The following TMC2 variants were observed in gnomAD, a reference collection of about 807,000 sequenced individuals.
TMC2 encodes transmembrane channel like 2.
Under a neutral mutation model 105.9 loss-of-function variants are expected in TMC2, and 102 were observed. The ratio of observed to expected loss-of-function variants is 0.96; its 90% CI spans 0.82 to 1.14. The LOEUF (loss-of-function observed/expected upper bound fraction) is 1.14. Ranked by LOEUF, TMC2 falls within the 50% of genes most tolerant of loss-of-function variation. The pLI, the probability that TMC2 is intolerant of heterozygous loss-of-function variation, is 0.00. For synonymous variants in TMC2, 402 were observed against 422.8 expected (o/e 0.95, Z 0.60); for missense variants, 1,093 against 1,134.3 (o/e 0.96, Z 0.52).
intron 5 of TMC2, among the ~76,000 whole-genome samples, chr20:2,578,042 C>G (rs1290840106): frequency 2.9e-4 from 44 of 152,032 alleles, no homozygotes; most frequent in Non-Finnish European, 2.6e-4. Flanking sequence ...GGAACCGGGC[C>G]AGGCACAGTG....
chr20:2,578,422 C>T (rs28558098), intron 5 of TMC2, among the ~76,000 whole-genome samples: 21,798 of 152,200 alleles, frequency 0.14, 2,128 homozygotes, highest in African/African-American at 0.28. Context: ...CTATGAGTAT[C>T]TGTTTTATTC....
intron 4 of TMC2, among the ~76,000 whole-genome samples, chr20:2,571,753 C>A (rs1251612292): frequency 6.6e-6 from 1 of 152,192 alleles, no homozygotes; most frequent in Non-Finnish European, 1.5e-5. Flanking sequence ...GTAATCCCAG[C>A]ACTTTGGGAG....
At chr20:2,552,609 G>A (rs1214648294) in intron 2 of TMC2, among the ~76,000 whole-genome samples, 3 of 152,086 alleles carry the variant, frequency 2.0e-5, no homozygotes, top group South Asian at 2.1e-4. Flanking sequence ...TCCACCTCAC[G>A]AGTTCAAGGG....
At chr20:2,541,890 CTGCATTTTCCGCCGTTTCCTAAT>C (rs11467092) in intron 2 of TMC2, among the ~76,000 whole-genome samples, 60,872 of 151,798 alleles carry the variant, frequency 0.4, 12,394 homozygotes, top group Admixed American at 0.45. Context: ...ACTAGTAAAA[CTGCATTTTCCGCCGTTTCCTAAT>C]TGCATTTCCC....
Position 2,558,076 on chromosome 20 carries a change from G to A in TMC2, c.83-380G>A, listed in dbSNP as rs1600099548. Reference sequence around the variant, plus strand: ...TGGAGAGTTGTGCAGAAGTATGATCGGAGGACAAAAGGGTATGATGTCATG... The same window carrying A: ...TGGAGAGTTGTGCAGAAGTATGATCAGAGGACAAAAGGGTATGATGTCATG... On this transcript the variant is annotated intron_variant, in intron 2 of 19. Coordinates refer to ENST00000358864, the MANE Select transcript of TMC2 (RefSeq NM_080751.3). This position sits in a 1 kb window ranked among gnomAD's most constrained non-coding sequence, Gnocchi z 4.6. 1 of 205,782 alleles carries A rather than the reference G, an allele frequency of 4.9e-6. No individual in the cohort carries two copies. Among genetic ancestry groups the A allele is most frequent in the South Asian group, 9.6e-5 (1 of 10,364 alleles). 12.7% of individuals were successfully genotyped at this position (205,782 alleles called of 1,614,324 possible). A position where few individuals can be genotyped will look rare whatever the true frequency, so the allele number is the denominator to read the frequency against.
In TMC2 at chr20:2,592,587, A is replaced by G. The variant is rs1407338741; in HGVS notation, c.933+179A>G. 1.3e-5 allele frequency among the ~76,000 whole-genome samples: 2 copies of G among 152,164 alleles called. No individual in the cohort carries two copies. Among genetic ancestry groups the G allele is most frequent in the African/African-American group, 4.8e-5 (2 of 41,438 alleles). On this transcript the variant is annotated intron_variant, in intron 8 of 19. Transcript: ENST00000358864. The surrounding 1 kb of genome is among the most constrained non-coding windows in gnomAD (Gnocchi z 4.9). Reference sequence around the variant, plus strand: ...TGCACAGTCTTCCCGGGTCTCCTTCACGCACTGCTCTCTCCAGCCACACTC... The same window carrying G: ...TGCACAGTCTTCCCGGGTCTCCTTCGCGCACTGCTCTCTCCAGCCACACTC...
Position 2,558,859 on chromosome 20 carries a change from T to C in TMC2, c.401+85T>C. The C allele has an allele frequency of 7.4e-7, 1 of 1,353,630 alleles. No individual in the cohort carries two copies. The highest frequency in any genetic ancestry group is 1.5e-5 in the South Asian group (1 of 65,706). 83.9% of individuals were successfully genotyped at this position (1,353,630 alleles called of 1,614,324 possible). ...TTCCCCTTCCCCCGTGAGGGACTGA[T>C]GCCCCCCTCCCCGGGGAGAGGCAGC... On this transcript the variant is annotated intron_variant, in intron 3 of 19. Transcript: ENST00000358864. This position sits in a 1 kb window ranked among gnomAD's most constrained non-coding sequence, Gnocchi z 4.6.
intron 19 of TMC2, 25 bp downstream of exon 19, chr20:2,637,616 T>C: frequency 6.5e-7 from 1 of 1,530,346 alleles, no homozygotes; most frequent in Non-Finnish European, 9.1e-7. Context: ...ATAATGATTA[T>C]GTTTTACAAG....
chr20:2,616,213 T>A lies in TMC2; in HGVS notation c.1940+9T>A, dbSNP rs751858595. 5 of 1,609,078 alleles carry A rather than the reference T, an allele frequency of 3.1e-6. No homozygotes were observed. In the South Asian group the frequency reaches 5.5e-5, roughly 18 times the overall value. Reference sequence around the variant, plus strand: ...AACCAAGGAATGATCTGGTGAGTTATCCATTTCATCTGGTGATCGCCTCAT... The same window carrying A: ...AACCAAGGAATGATCTGGTGAGTTAACCATTTCATCTGGTGATCGCCTCAT... On this transcript the variant is annotated intron_variant, in intron 15 of 19. Coordinates refer to ENST00000358864, the MANE Select transcript of TMC2 (RefSeq NM_080751.3). This position sits in a 1 kb window ranked among gnomAD's most constrained non-coding sequence, Gnocchi z 4.8.
chr20:2,629,203 T>C (rs1411344341), intron 17 of TMC2, among the ~76,000 whole-genome samples: 3 of 151,890 alleles, frequency 2.0e-5, no homozygotes, highest in Non-Finnish European at 4.4e-5. Flanking sequence ...TTCTCATTTG[T>C]AAACAATGAA....
At chr20:2,585,061 A>G (rs1387088963) in intron 7 of TMC2, among the ~76,000 whole-genome samples, 1 of 152,238 alleles carries the variant, frequency 6.6e-6, no homozygotes, top group Middle Eastern at 3.2e-3. Context: ...TCATACAAAT[A>G]GAAATATGTA....
rs1319390148 is a variant in TMC2 at position 2,643,113 on chromosome 20, T to C, written c.*1762T>C. Among the ~76,000 whole-genome samples the C allele has an allele frequency of 7.9e-5, 12 of 152,186 alleles. No individual in the cohort carries two copies. The highest frequency in any genetic ancestry group is 1.6e-4 in the Non-Finnish European group (11 of 68,044). ...TGACCAGGAGAAACAGGATAAATTA[T>C]TTCACACCAATCTCTCCTGGCAAGG... On this transcript the variant is annotated 3_prime_UTR_variant, in exon 20 of 20. Transcript: ENST00000358864.
At chr20:2,575,020 C>T (rs1254346575) in intron 5 of TMC2, among the ~76,000 whole-genome samples, 1 of 152,154 alleles carries the variant, frequency 6.6e-6, no homozygotes, top group Non-Finnish European at 1.5e-5. Flanking sequence ...GCCACCATGC[C>T]CGGACTCAAT....
intron 13 of TMC2, among the ~76,000 whole-genome samples, 167 bp from the exon 14 acceptor site, chr20:2,613,027 T>G (rs1177662380): frequency 2.6e-5 from 4 of 152,196 alleles, no homozygotes; most frequent in Non-Finnish European, 5.9e-5. Context: ...ATTAAGCATT[T>G]TCCAGAGCCA....
chr20:2,556,936 C>A (rs1212529905), intron 2 of TMC2, among the ~76,000 whole-genome samples: 1 of 151,342 alleles, frequency 6.6e-6, no homozygotes, highest in Non-Finnish European at 1.5e-5. Context: ...GTTTCTGGAG[C>A]AAAATCTAGT....
At chr20:2,543,492 C>T (rs1361322638) in intron 2 of TMC2, among the ~76,000 whole-genome samples, 4 of 152,190 alleles carry the variant, frequency 2.6e-5, no homozygotes, top group African/African-American at 9.7e-5. Flanking sequence ...CCACAATAAA[C>T]AGCATGGCCA....
chr20:2,558,278 C>T lies in TMC2; in HGVS notation c.83-178C>T, dbSNP rs2085996758. ...CTGCTTCTGCAGTTTTCTTAGTTTCCTTCAGCTTAAAATACTCAACATGCC... is the reference window on the plus strand; with the variant it reads ...CTGCTTCTGCAGTTTTCTTAGTTTCTTTCAGCTTAAAATACTCAACATGCC... On this transcript the variant is annotated intron_variant, in intron 2 of 19. Transcript: ENST00000358864. The surrounding 1 kb of genome is among the most constrained non-coding windows in gnomAD (Gnocchi z 4.6). 2 of 1,419,850 alleles carry T rather than the reference C, an allele frequency of 1.4e-6. No homozygotes were observed. The highest frequency in any genetic ancestry group is 3.1e-5 in the South Asian group (2 of 65,506). 88.0% of individuals were successfully genotyped at this position (1,419,850 alleles called of 1,614,324 possible).
rs367858720 is a variant in TMC2, at chr20:2,580,037, G to T, written c.815G>T (p.Gly272Val). ...VNLVLFGLIFGLVIIPEVLMG... is the reference protein window; with the variant it reads ...VNLVLFGLIFVLVIIPEVLMG... Reference sequence around the variant, plus strand: ...CTTGTCCTTTTTGGCTTAATATTTGGTCTAGTCATAATCCCAGAGGTAAGA... The same window carrying T: ...CTTGTCCTTTTTGGCTTAATATTTGTTCTAGTCATAATCCCAGAGGTAAGA... Residue 272 changes from glycine (G) to valine (V), a missense_variant, in exon 7 of 20, where the codon GGT becomes GTT. Physicochemically the swap from Gly to Val is moderately radical, Grantham distance 109. Coordinates refer to ENST00000358864, the MANE Select transcript of TMC2 (RefSeq NM_080751.3). The T allele has an allele frequency of 6.2e-7, 1 of 1,611,760 alleles. No individual in the cohort carries two copies. The highest frequency in any genetic ancestry group is 2.2e-5 in the East Asian group (1 of 44,824).
chr20:2,593,623 A>T (rs889585547), intron 8 of TMC2, among the ~76,000 whole-genome samples: 2 of 152,306 alleles, frequency 1.3e-5, no homozygotes, highest in African/African-American at 4.8e-5. Context: ...TCATTAGGCA[A>T]AATGCGTTTT....
Sources: gnomAD v4.1 joint callset for allele counts (sites outside exome capture counted in the v4.1 genomes callset) on GRCh38, gnomAD v4.1.1 for gene constraint, Gnocchi (gnomAD v3.1) non-coding constraint, MANE v1.5 for transcripts, NCBI Gene and HGNC (gene_info 2026-07-23, HGNC 2026-07-21) for gene names.